The following CEP250 variants were observed in gnomAD, a reference collection of about 807,000 sequenced individuals.
CEP250 encodes the protein centrosomal protein 250, also known as centrosome-associated protein CEP250.
In CEP250, 242 loss-of-function variants were observed where a neutral mutation model predicts 315.7. That is an observed-to-expected ratio of 0.77 (90% confidence interval 0.69 to 0.85). The LOEUF (loss-of-function observed/expected upper bound fraction) is 0.85, where lower values mean the gene tolerates loss of function less well. Ranked by LOEUF, CEP250 falls within the 40% of genes least tolerant of loss-of-function variation. The pLI is 0.00. For synonymous variants in CEP250, 1,088 were observed against 1,175.0 expected, an observed-to-expected ratio of 0.93 and a Z score of 1.51; for missense variants, 2,515 against 2,886.4, an observed-to-expected ratio of 0.87 and a Z score of 2.95.
intron 17 of CEP250, among the ~76,000 whole-genome samples, chr20:35,478,607 A>G (rs2063242792): frequency 6.6e-6 from 1 of 152,132 alleles, no homozygotes; most frequent in Non-Finnish European, 1.5e-5. Context: ...TACTTCATTC[A>G]CACCACCCAG....
chr20:35,462,233 C>T, intron 3 of CEP250, 32 bp from the exon 4 acceptor site: 1 of 651,998 alleles, frequency 1.5e-6, no homozygotes, highest in Non-Finnish European at 2.6e-6. Context: ...AAGAACAGTC[C>T]TTTCCATTTG....
intron 20 of CEP250, among the ~76,000 whole-genome samples, chr20:35,481,937 C>G (rs186937575): frequency 2.6e-5 from 4 of 152,034 alleles, no homozygotes; most frequent in Non-Finnish European, 5.9e-5. Flanking sequence ...TGGGCTCAAG[C>G]GATCCACCCG....
intron 27 of CEP250, 60 bp from the exon 28 acceptor site, chr20:35,499,989 C>T: frequency 1.2e-6 from 2 of 1,605,472 alleles, no homozygotes; most frequent in Non-Finnish European, 1.7e-6. Context: ...AGAGCTTGAG[C>T]CCTGCATTGT....
chr20:35,475,220 C>A (rs1020366067), intron 14 of CEP250, among the ~76,000 whole-genome samples: 1 of 152,178 alleles, frequency 6.6e-6, no homozygotes, highest in African/African-American at 2.4e-5. Flanking sequence ...TTTAGGCAAC[C>A]ATTTTAGCTG....
At chr20:35,463,544 C>A in intron 4 of CEP250, 31 bp from the exon 5 acceptor site, 3 of 1,578,222 alleles carry the variant, frequency 1.9e-6, no homozygotes, top group South Asian at 2.3e-5. Context: ...CAGCTGTGTT[C>A]ATTGCCCAGG....
chr20:35,508,818 T>C, intron 32 of CEP250, 125 bp from the exon 33 acceptor site: 1 of 730,986 alleles, frequency 1.4e-6, no homozygotes, highest in Non-Finnish European at 2.3e-6. Flanking sequence ...CAGCCAGGAG[T>C]TCTCTTCCCA....
chr20:35,466,895 A>G (rs938327492), intron 7 of CEP250, 71 bp from the exon 8 acceptor site: 1 of 920,362 alleles, frequency 1.1e-6, no homozygotes, highest in Non-Finnish European at 1.8e-6. Flanking sequence ...GTCAGGAGGA[A>G]TCCAAGACTC....
chr20:35,483,288 C>T (rs2063405829), intron 20 of CEP250, among the ~76,000 whole-genome samples: 1 of 151,410 alleles, frequency 6.6e-6, no homozygotes, highest in African/African-American at 2.4e-5. Flanking sequence ...CCATTACACT[C>T]CAGCCTGGGC....
At chr20:35,498,794 G>T in intron 27 of CEP250, 78 bp downstream of exon 27, 1 of 1,457,720 alleles carries the variant, frequency 6.9e-7, no homozygotes, top group South Asian at 1.5e-5. Flanking sequence ...GAAGCAGTTT[G>T]ACCTGTTTTA....
At chr20:35,468,310 C>G (rs1042338849) in intron 9 of CEP250, among the ~76,000 whole-genome samples, 5 of 152,148 alleles carry the variant, frequency 3.3e-5, no homozygotes, top group Non-Finnish European at 7.3e-5. Context: ...TTACTGTGCC[C>G]TTGTAGTCTT....
chr20:35,504,639 G>T lies in CEP250; in HGVS notation c.6270G>T (p.Arg2090Ser). The T allele has an allele frequency of 1.9e-6, 3 of 1,614,100 alleles. No homozygotes were observed. Among genetic ancestry groups the T allele is most frequent in the Middle Eastern group, 1.7e-4 (1 of 6,060 alleles). The change falls in exon 30 of 35, where the codon AGG (arginine) becomes AGT (serine). Residue 2090 changes from arginine to serine, a missense_variant. By Grantham distance (110) the Arg-to-Ser change is moderately radical. Coordinates refer to ENST00000397527, the MANE Select transcript of CEP250 (RefSeq NM_007186.6). ...LGQEREEEEI[R>S]GLHQSVRELQ... ...AAGAGAGAGAAGAGGAGGAGATAAG[G>T]GGCCTTCATCAGAGTGTAAGGGAGC...
chr20:35,511,417 A>G lies in CEP250; in HGVS notation c.7120A>G (p.Ile2374Val). The G allele has an allele frequency of 1.2e-6, 2 of 1,613,510 alleles. No homozygotes were observed. The highest frequency in any genetic ancestry group is 8.5e-7 in the Non-Finnish European group (1 of 1,179,922). Reference sequence around the variant, plus strand: ...GGAGCGGAAGCAGAAGCAGGACTACATCACCCGCTCAGCACAGACCAGCCG... The same window carrying G: ...GGAGCGGAAGCAGAAGCAGGACTACGTCACCCGCTCAGCACAGACCAGCCG... The part of the protein sequence containing the change: ...TLERKQKQDY[I>V]TRSAQTSREL... Residue 2374 changes from isoleucine (I) to valine (V), a missense_variant, in exon 35 of 35, where the codon ATC (isoleucine) becomes GTC (valine). Coordinates refer to ENST00000397527, the MANE Select transcript of CEP250 (RefSeq NM_007186.6).
rs2064368062 is a variant in CEP250, at chr20:35,511,727, C to T, written c.*101C>T. 3 of 1,464,162 alleles carry T rather than the reference C, an allele frequency of 2.0e-6. No individual in the cohort carries two copies. The highest frequency in any genetic ancestry group is 4.8e-5 in the East Asian group (2 of 41,454). 90.7% of individuals were successfully genotyped at this position (1,464,162 alleles called of 1,614,324 possible). A position where few individuals can be genotyped will look rare whatever the true frequency, so the allele number is the denominator to read the frequency against. ...AAAGGAAAAGCCTGGCTCTGTTAGG[C>T]ACCCAGGAGCCCCAGGTCGGCGGGT... On this transcript the variant is annotated 3_prime_UTR_variant, in exon 35 of 35. Coordinates refer to ENST00000397527, the MANE Select transcript of CEP250 (RefSeq NM_007186.6).
At chr20:35,456,171 A>G (rs1042007436) in intron 1 of CEP250, among the ~76,000 whole-genome samples, 1 of 152,220 alleles carries the variant, frequency 6.6e-6, no homozygotes, top group Admixed American at 6.5e-5. Flanking sequence ...CTGGGATTAC[A>G]GGCGTGAGCC....
rs773558951 is a variant in CEP250 at position 35,490,646 on chromosome 20, C to T, written c.2596C>T (p.Arg866Cys). Reference protein sequence around the residue: ...NQLREKWEKERSWHQQELAKA... With the variant: ...NQLREKWEKECSWHQQELAKA... ...TCCTTCATGTGGCCAGGAGAAGGAG[C>T]GCTCCTGGCACCAGCAGGAGCTGGC... The change falls in exon 21 of 35, where the codon CGC (arginine) becomes TGC (cysteine). Residue 866 changes from arginine (R) to cysteine (C), a missense_variant. Transcript: ENST00000397527. 30 of 1,612,302 alleles carry T rather than the reference C, an allele frequency of 1.9e-5. 1 individual carries two copies. The highest frequency in any genetic ancestry group is 1.3e-4 in the Admixed American group (8 of 59,672).
intron 5 of CEP250, among the ~76,000 whole-genome samples, chr20:35,464,533 A>G (rs1033148014): frequency 1.1e-4 from 17 of 152,174 alleles, no homozygotes; most frequent in Admixed American, 8.5e-4. Context: ...GGCTGGTCTC[A>G]AATTCTTAGA....
In CEP250 at chr20:35,504,834, A is replaced by C. The variant is rs369668326; in HGVS notation, c.6465A>C (p.Leu2155=). 32 of 1,614,128 alleles carry C rather than the reference A, an allele frequency of 2.0e-5. No individual in the cohort carries two copies. Among genetic ancestry groups the C allele is most frequent in the Non-Finnish European group, 2.7e-5 (32 of 1,180,048 alleles). The change falls in exon 30 of 35, where the codon CTA becomes CTC. Residue 2155 remains leucine, a synonymous_variant. Transcript: ENST00000397527. ...EPRLQRELER[L]QAALRQTEAR... ...GGCTGCAGCGGGAGCTGGAGCGGCTACAGGCAGCCCTGAGACAGACAGAAG... is the reference window on the plus strand; with the variant it reads ...GGCTGCAGCGGGAGCTGGAGCGGCTCCAGGCAGCCCTGAGACAGACAGAAG...
chr20:35,473,983 ACT>A lies in CEP250; in HGVS notation c.1505_1506del (p.Ser502CysfsTer39). The A allele has an allele frequency of 3.7e-6, 6 of 1,606,614 alleles. No homozygotes were observed. Among genetic ancestry groups the A allele is most frequent in the Non-Finnish European group, 5.1e-6 (6 of 1,177,662 alleles). Reference sequence around the variant, plus strand: ...AATGTGGAGCTTCAGCTGCAGGGGGACTCTGCCCAGGGCCAGAAGGAGGAACA... The same window carrying A: ...AATGTGGAGCTTCAGCTGCAGGGGGACTGCCCAGGGCCAGAAGGAGGAACA... On this transcript the variant is annotated frameshift_variant, in exon 14 of 35. Transcript: ENST00000397527. LOFTEE classifies it high-confidence loss of function.
chr20:35,465,527 T>C (rs1465693455), intron 5 of CEP250, among the ~76,000 whole-genome samples: 4 of 152,126 alleles, frequency 2.6e-5, no homozygotes, highest in Non-Finnish European at 5.9e-5. Flanking sequence ...ACTTCTTAAG[T>C]TGAAGATTCT....
Sources: allele counts gnomAD v4.1 joint callset (sites outside exome capture counted in the v4.1 genomes callset), GRCh38; gene constraint gnomAD v4.1.1; transcripts MANE v1.5; gene names NCBI Gene and HGNC (gene_info 2026-07-23, HGNC 2026-07-21).